The following TRIOBP variants were observed in gnomAD, a reference collection of about 807,000 sequenced individuals.
The protein encoded by TRIOBP is TRIO and F-actin binding protein.
TRIOBP carries 169 observed loss-of-function variants against 238.8 expected under a neutral mutation model. That is an observed-to-expected ratio of 0.71 (90% confidence interval 0.62 to 0.80). The LOEUF is 0.80. Ranked by LOEUF, TRIOBP falls within the 30% of genes least tolerant of loss-of-function variation. The probability of loss-of-function intolerance (pLI) is 0.00; values close to 1 mark genes in which losing one functional copy is unlikely to be tolerated. For synonymous variants in TRIOBP, 1,150 were observed against 1,274.4 expected, an observed-to-expected ratio of 0.90 and a Z score of 2.08; for missense variants, 2,838 against 3,122.6, an observed-to-expected ratio of 0.91 and a Z score of 2.17.
rs876657595 is a variant in TRIOBP at position 37,754,890 on chromosome 22, C to G, written c.5393C>G (p.Ser1798Trp). 1 of 1,614,154 alleles carries G rather than the reference C, an allele frequency of 6.2e-7. No homozygotes were observed. Among genetic ancestry groups the G allele is most frequent in the South Asian group, 1.1e-5 (1 of 91,076 alleles). ...LDEPGEPPSP[S>W]LTTTSTSQWK... ...TCCTCCTTGCAGCCTCCCTCCCCCTCGCTCACCACCACCTCTACTTCGCAG... is the reference window on the plus strand; with the variant it reads ...TCCTCCTTGCAGCCTCCCTCCCCCTGGCTCACCACCACCTCTACTTCGCAG... The change falls in exon 13 of 24, where the codon TCG becomes TGG. Residue 1798 changes from serine to tryptophan, a missense_variant. Around this residue, in one of 5 missense-constraint regions of TRIOBP, gnomAD observed 2,096 missense variants for 2,137.4 expected, o/e 0.98. Transcript: ENST00000644935.
In TRIOBP at chr22:37,733,418, C is replaced by T. The variant is rs1304411980; in HGVS notation, c.4062+6C>T. 2 of 1,548,574 alleles carry T rather than the reference C, an allele frequency of 1.3e-6. No homozygotes were observed. The highest frequency in any genetic ancestry group is 1.7e-6 in the Non-Finnish European group (2 of 1,145,190). The stretch of plus-strand genomic sequence containing the variant: ...GCCCTGCCCCCAGCAGGCAGGTGAG[C>T]ACTGCCAGCTGTCTGGGGCCCCGCA... On this transcript the variant is annotated splice_donor_region_variant and intron_variant, in intron 8 of 23. Coordinates refer to ENST00000644935, the MANE Select transcript of TRIOBP (RefSeq NM_001039141.3).
chr22:37,772,823 G>C, intron 23 of TRIOBP, 59 bp downstream of exon 23: 2 of 1,585,846 alleles, frequency 1.3e-6, no homozygotes, highest in Non-Finnish European at 1.7e-6. Flanking sequence ...TCCCACACCC[G>C]GGACTCCCTG....
At position 37,741,119 on chromosome 22, in the gene TRIOBP, G is replaced by A. The variant is rs535734663; in HGVS notation, c.5322+87G>A. ...GGAGGGGGCTGTTAAGCAAAGGAGA[G>A]AGAGTGGGGGCTGAGGAGGAGGCAC... On this transcript the variant is annotated intron_variant, in intron 11 of 23. Transcript: ENST00000644935. The A allele has an allele frequency of 3.7e-4, 555 of 1,512,092 alleles. 7 individuals are homozygous for A. In the South Asian group the frequency reaches 6.3e-3, roughly 17 times the overall value. 93.7% of individuals were successfully genotyped at this position (1,512,092 alleles called of 1,614,324 possible). A position where few individuals can be genotyped will look rare whatever the true frequency, so the allele number is the denominator to read the frequency against.
intron 22 of TRIOBP, among the ~76,000 whole-genome samples, chr22:37,772,181 C>G (rs1926811450): frequency 6.6e-6 from 1 of 152,194 alleles, no homozygotes; most frequent in Admixed American, 6.5e-5. Context: ...TGCTATGTCA[C>G]TGCCTGGTGC....
chr22:37,754,701 C>G (rs992431072), intron 12 of TRIOBP, among the ~76,000 whole-genome samples, 176 bp from the exon 13 acceptor site: 3 of 152,146 alleles, frequency 2.0e-5, no homozygotes, highest in Non-Finnish European at 1.5e-5. Context: ...GAGGGGAAAC[C>G]AATCCATTTC....
intron 11 of TRIOBP, among the ~76,000 whole-genome samples, chr22:37,744,461 G>T (rs1359420299): frequency 6.6e-6 from 1 of 152,236 alleles, no homozygotes; most frequent in Non-Finnish European, 1.5e-5. Flanking sequence ...GAAGAGGAAT[G>T]TAGCACTGAT....
At chr22:37,721,024 ATTTTTTTTTTTTT>A (rs11312598) in intron 6 of TRIOBP, among the ~76,000 whole-genome samples, 1 of 133,336 alleles carries the variant, frequency 7.5e-6, no homozygotes, top group Non-Finnish European at 1.6e-5. Flanking sequence ...CATCCGGCTA[ATTTTTTTTTTTTT>A]TTTTTGTATT....
At chr22:37,722,427 CAAA>C (rs35646436) in intron 6 of TRIOBP, among the ~76,000 whole-genome samples, 4 of 94,342 alleles carry the variant, frequency 4.2e-5, no homozygotes, top group Admixed American at 2.2e-4. Context: ...GACTCTGTCT[CAAA>C]AAAAAAAAAA....
chr22:37,746,094 GTTGCGGCAGGTC>G, intron 11 of TRIOBP: 1 of 540,468 alleles, frequency 1.9e-6, no homozygotes, highest in Non-Finnish European at 2.3e-6. Context: ...CGCCCGTCCC[GTTGCGGCAGGTC>G]CCGCCCCCGG....
At chr22:37,706,054 G>A (rs1922928591) in intron 3 of TRIOBP, among the ~76,000 whole-genome samples, 2 of 152,132 alleles carry the variant, frequency 1.3e-5, no homozygotes, top group Non-Finnish European at 2.9e-5. Flanking sequence ...TGAGATGGAG[G>A]CAAATGGACA....
chr22:37,752,201 C>T (rs966655118), intron 12 of TRIOBP, among the ~76,000 whole-genome samples: 5 of 152,164 alleles, frequency 3.3e-5, no homozygotes, highest in Non-Finnish European at 5.9e-5. Flanking sequence ...GGGCTCAGGG[C>T]GCAGGTGCTG....
At chr22:37,765,534 C>T in intron 17 of TRIOBP, 136 bp from the exon 18 acceptor site, 1 of 1,133,404 alleles carries the variant, frequency 8.8e-7, no homozygotes, top group Non-Finnish European at 1.3e-6. Flanking sequence ...GGAGCAGGAG[C>T]AGGTGCAGAC....
At chr22:37,759,056 T>C in intron 16 of TRIOBP, 98 bp from the exon 17 acceptor site, 2 of 998,646 alleles carry the variant, frequency 2.0e-6, no homozygotes, top group Non-Finnish European at 3.1e-6. Context: ...ACGCTGGGCT[T>C]GTATCCGTGT....
In TRIOBP at chr22:37,738,688, AC is replaced by A; in HGVS notation, c.5158del (p.Leu1720Ter). ...GAGTCAGAACCAAGCAGAGGCCAAG[AC>A]CCCCTGACTGACCAGAAGCAGGCAG... Reference protein sequence around the residue: ...PEESEPSRGQDPLTDQKQADS... With the variant: ...PEESEPSRGQXPLTDQKQADS... On this transcript the variant is annotated frameshift_variant, in exon 10 of 24. Coordinates refer to ENST00000644935, the MANE Select transcript of TRIOBP (RefSeq NM_001039141.3). LOFTEE classifies it high-confidence loss of function. The A allele has an allele frequency of 6.2e-7, 1 of 1,613,892 alleles. No individual in the cohort carries two copies. Among genetic ancestry groups the A allele is most frequent in the Non-Finnish European group, 8.5e-7 (1 of 1,179,956 alleles).
intron 17 of TRIOBP, chr22:37,759,692 G>A: frequency 1.3e-6 from 2 of 1,513,432 alleles, no homozygotes; most frequent in South Asian, 1.2e-5. Flanking sequence ...ACACAAGGAG[G>A]TCTGCAGGAC....
chr22:37,737,016 T>G (rs1195026261), intron 9 of TRIOBP, among the ~76,000 whole-genome samples: 3 of 152,154 alleles, frequency 2.0e-5, no homozygotes, highest in Non-Finnish European at 4.4e-5. Context: ...CCTGTGGCTT[T>G]GATGAGTTGA....
chr22:37,759,214 G>A lies in TRIOBP; in HGVS notation c.6274G>A (p.Ala2092Thr), dbSNP rs374128038. The part of the protein sequence containing the change: ...WRLQGEAPQS[A>T]LRSQEDGHIP... ...TCTCCAAGGGGAGGCTCCTCAGAGT[G>A]CACTGAGATCCCAGGAGGATGGCCA... The change falls in exon 17 of 24, where the codon GCA becomes ACA. Residue 2092 changes from alanine to threonine, a missense_variant. Ala to Thr is a moderately conservative substitution (Grantham distance 58). Transcript: ENST00000644935. The A allele has an allele frequency of 8.7e-6, 14 of 1,612,988 alleles. No homozygotes were observed. The Admixed American group carries it at 1.5e-4, about 17-fold the overall frequency.
At chr22:37,701,966 G>C (rs1408699587) in intron 3 of TRIOBP, among the ~76,000 whole-genome samples, 1 of 152,074 alleles carries the variant, frequency 6.6e-6, no homozygotes, top group East Asian at 1.9e-4. Flanking sequence ...AGCTGGGCAT[G>C]GTGGTGCATG....
Position 37,765,657 on chromosome 22 carries a change from G to A in TRIOBP, c.6325-13G>A, listed in dbSNP as rs1168524561. ...ACGGGGCAGCCTGTGACACCCTGGC[G>A]TCCGGCCCACAGGAGGCATGTGAGC... On this transcript the variant is annotated splice_polypyrimidine_tract_variant and intron_variant, in intron 17 of 23. Coordinates refer to ENST00000644935, the MANE Select transcript of TRIOBP (RefSeq NM_001039141.3). The A allele has an allele frequency of 2.6e-5, 41 of 1,549,142 alleles. No individual in the cohort carries two copies. The East Asian group carries it at 2.7e-4, about 10-fold the overall frequency.
Sources: gnomAD v4.1 joint callset for allele counts (sites outside exome capture counted in the v4.1 genomes callset) on GRCh38, gnomAD v4.1.1 for gene constraint, gnomAD v4.1.1 regional missense constraint, MANE v1.5 for transcripts, NCBI Gene and HGNC (gene_info 2026-07-23, HGNC 2026-07-21) for gene names.